Variants in TANC2 observed in about 807,000 individuals in gnomAD.
TANC2 encodes protein TANC2.
TANC2 carries 26 observed loss-of-function variants against 210.5 expected under a neutral mutation model. The observed-to-expected ratio is 0.12, with a 90% CI of 0.09 to 0.17. The LOEUF is 0.17. Ranked by LOEUF, TANC2 falls within the 10% of genes least tolerant of loss-of-function variation. The probability of loss-of-function intolerance (pLI) is 1.00; values close to 1 mark genes in which losing one functional copy is unlikely to be tolerated. For synonymous variants in TANC2, 931 were observed against 967.1 expected (o/e 0.96, Z 0.69); for missense variants, 2,129 against 2,608.9 (o/e 0.82, Z 4.01).
At position 63,212,631 on chromosome 17, in the gene TANC2, A is replaced by G. The variant is rs181053025; in HGVS notation, c.769+11674A>G. 5.5e-4 allele frequency among the ~76,000 whole-genome samples: 84 copies of G among 152,314 alleles called. 1 individual carries two copies. Among genetic ancestry groups the G allele is most frequent in the African/African-American group, 1.9e-3 (78 of 41,584 alleles). The stretch of plus-strand genomic sequence containing the variant: ...TATTTTATAGAAACAGGGTCTCACT[A>G]TATTGCCCAGGCTGGTCTTTGAACT... On this transcript the variant is annotated intron_variant, in intron 7 of 27. Coordinates refer to ENST00000689528, the Ensembl canonical transcript of TANC2.
intron 4 of TANC2, among the ~76,000 whole-genome samples, chr17:63,108,142 A>G (rs762639727): frequency 1.1e-4 from 16 of 151,774 alleles, no homozygotes; most frequent in Non-Finnish European, 2.1e-4. Flanking sequence ...TAGCGTTCCA[A>G]TAGTGGAACA....
At chr17:63,056,720 T>C (rs1211100041) in intron 2 of TANC2, among the ~76,000 whole-genome samples, 1 of 152,200 alleles carries the variant, frequency 6.6e-6, no homozygotes, top group East Asian at 1.9e-4. Context: ...ATTATGATTG[T>C]GTCAAAATTG....
intron 1 of TANC2, among the ~76,000 whole-genome samples, chr17:62,978,228 T>C (rs2143371444): frequency 6.6e-6 from 1 of 152,354 alleles, no homozygotes; most frequent in Middle Eastern, 3.4e-3. Flanking sequence ...TAATACACTA[T>C]GATCAAGTAG....
chr17:63,427,573 T>G (rs2049173634), exon 28 of TANC2: 1 of 152,384 alleles, frequency 6.6e-6, no homozygotes, highest in South Asian at 2.1e-4. Flanking sequence ...ACATGTGAGC[T>G]GTGTGAGATA....
At chr17:63,229,596 A>T (rs2145991380) in intron 7 of TANC2, among the ~76,000 whole-genome samples, 1 of 147,386 alleles carries the variant, frequency 6.8e-6, no homozygotes, top group South Asian at 2.1e-4. Flanking sequence ...TTATTACTAT[A>T]GGCTATTTAT....
intron 2 of TANC2, among the ~76,000 whole-genome samples, chr17:63,053,258 G>A (rs905845339): frequency 1.3e-5 from 2 of 152,146 alleles, no homozygotes; most frequent in Non-Finnish European, 2.9e-5. Context: ...ACCTTTTCCG[G>A]AAGTTCTTTC....
intron 1 of TANC2, among the ~76,000 whole-genome samples, chr17:62,983,259 G>A (rs1598186428): frequency 6.6e-6 from 1 of 151,866 alleles, no homozygotes; most frequent in Non-Finnish European, 1.5e-5. Flanking sequence ...TATTGTTTGT[G>A]TATAGAGTAC....
chr17:63,262,142 A>G (rs960780140), intron 8 of TANC2, among the ~76,000 whole-genome samples: 4 of 152,224 alleles, frequency 2.6e-5, no homozygotes, highest in African/African-American at 9.6e-5. Context: ...CAAAATATGC[A>G]TAGCTGCTAT....
intron 9 of TANC2, among the ~76,000 whole-genome samples, chr17:63,291,526 G>T (rs1485675612): frequency 1.3e-5 from 2 of 152,216 alleles, no homozygotes; most frequent in Non-Finnish European, 2.9e-5. Context: ...TTATGGTGGG[G>T]TGAGTTAATG....
chr17:63,399,424 G>A (rs2048272429), intron 19 of TANC2: 2 of 152,264 alleles, frequency 1.3e-5, no homozygotes, highest in Non-Finnish European at 2.9e-5. Flanking sequence ...CTATCTGGAT[G>A]CACAATGAAT....
Position 63,392,580 on chromosome 17 carries a change from C to T in TANC2, c.3051+3036C>T, listed in dbSNP as rs988208291. On this transcript the variant is annotated intron_variant, in intron 17 of 27. Coordinates refer to ENST00000689528, the Ensembl canonical transcript of TANC2. ...TTGGAGTCTTCTTGTGTAACAAACC[C>T]GTTTTTCAGATTCTCATCTCATCTA... Among the ~76,000 whole-genome samples, 9 of 152,236 alleles carry T rather than the reference C, an allele frequency of 5.9e-5. No individual in the cohort carries two copies. The South Asian group carries it at 6.2e-4, about 11-fold the overall frequency.
exon 28 of TANC2, chr17:63,422,498 G>C (rs1287280644): frequency 6.5e-6 from 1 of 154,390 alleles, no homozygotes; most frequent in East Asian, 1.9e-4. Flanking sequence ...GTGTGCATTA[G>C]GATTATTGCT....
intron 10 of TANC2, among the ~76,000 whole-genome samples, chr17:63,318,493 T>G (rs1388484385): frequency 6.6e-6 from 1 of 152,196 alleles, no homozygotes; most frequent in Non-Finnish European, 1.5e-5. Flanking sequence ...ATCCCCATTC[T>G]CCTCTTAACC....
At chr17:63,187,819 A>G (rs2041046694) in intron 5 of TANC2, among the ~76,000 whole-genome samples, 1 of 149,778 alleles carries the variant, frequency 6.7e-6, no homozygotes, top group African/African-American at 2.5e-5. Flanking sequence ...CTTCTCTTTG[A>G]AAAAAAAATT....
intron 4 of TANC2, among the ~76,000 whole-genome samples, chr17:63,100,020 G>A (rs770834238): frequency 6.6e-6 from 1 of 152,110 alleles, no homozygotes; most frequent in Admixed American, 6.6e-5. Context: ...ATGCTTATGT[G>A]TGAAAATATG....
chr17:63,040,649 A>G (rs1229723189), intron 2 of TANC2, among the ~76,000 whole-genome samples: 1 of 152,142 alleles, frequency 6.6e-6, no homozygotes, highest in African/African-American at 2.4e-5. Flanking sequence ...GCAGCTTACT[A>G]TGTTTTTGAA....
chr17:63,349,828 A>AGT (rs993244183), intron 12 of TANC2, among the ~76,000 whole-genome samples: 1 of 152,202 alleles, frequency 6.6e-6, no homozygotes, highest in African/African-American at 2.4e-5. Context: ...GGTAAATCCC[A>AGT]GTTAGTTCCA....
chr17:63,137,545 T>C (rs1157990301), intron 4 of TANC2, among the ~76,000 whole-genome samples: 1 of 152,196 alleles, frequency 6.6e-6, no homozygotes, highest in African/African-American at 2.4e-5. Flanking sequence ...ATGAAGATAG[T>C]TTATATAATC....
At chr17:63,191,611 C>T (rs375546733) in intron 5 of TANC2, among the ~76,000 whole-genome samples, 8 of 151,834 alleles carry the variant, frequency 5.3e-5, no homozygotes, top group East Asian at 2.0e-4. Flanking sequence ...CACAGGCGCG[C>T]GCCACCACAC....
Sources: gnomAD v4.1 joint callset for allele counts (sites outside exome capture counted in the v4.1 genomes callset) on GRCh38, gnomAD v4.1.1 for gene constraint, MANE v1.5 for transcripts, NCBI Gene and HGNC (gene_info 2026-07-23, HGNC 2026-07-21) for gene names.